Variants in KIF18A observed in about 807,000 individuals in gnomAD.
The protein encoded by KIF18A is kinesin family member 18A.
KIF18A carries 67 observed loss-of-function variants against 103.3 expected under a neutral mutation model. The ratio of observed to expected loss-of-function variants is 0.65; its 90% confidence interval spans 0.53 to 0.79. The LOEUF is 0.79. Among genes scored for constraint, KIF18A ranks in the 30% least tolerant of loss-of-function variants. The pLI, the probability that KIF18A is intolerant of heterozygous loss-of-function variation, is 0.00. For synonymous variants in KIF18A, 367 were observed against 355.5 expected, an observed-to-expected ratio of 1.03 and a Z score of -0.36; for missense variants, 1,032 against 1,062.5, an observed-to-expected ratio of 0.97 and a Z score of 0.40.
chr11:28,090,867 T>G (rs959018671), intron 4 of KIF18A, 140 bp from the exon 5 acceptor site: 2 of 599,088 alleles, frequency 3.3e-6, no homozygotes, highest in Non-Finnish European at 5.9e-6. Flanking sequence ...ATACTAACTT[T>G]GTCTCATCTG....
At chr11:28,042,305 A>T (rs549902064) in intron 13 of KIF18A, among the ~76,000 whole-genome samples, 2 of 152,018 alleles carry the variant, frequency 1.3e-5, no homozygotes, top group East Asian at 3.9e-4. Flanking sequence ...AGTTGGTAGA[A>T]TGATGTTAAA....
At chr11:28,053,862 T>A (rs1850743626) in intron 13 of KIF18A, among the ~76,000 whole-genome samples, 1 of 151,996 alleles carries the variant, frequency 6.6e-6, no homozygotes, top group African/African-American at 2.4e-5. Flanking sequence ...TATATACATG[T>A]TTGTAATTGA....
chr11:28,097,887 C>G lies in KIF18A; in HGVS notation c.61G>C (p.Glu21Gln). 6.2e-7 allele frequency: 1 copy of G among 1,610,154 alleles called. No individual in the cohort carries two copies. The highest frequency in any genetic ancestry group is 8.5e-7 in the Non-Finnish European group (1 of 1,178,748). ...CCAGCTGCTTTTTCTTTAGTGTTTT[C>G]CGGACGTACACGAACTACTACTTTC... ...HMKVVVRVRP[E>Q]NTKEKAAGFH... Residue 21 changes from glutamate to glutamine, a missense_variant, in exon 2 of 17, where the codon GAA (glutamate) becomes CAA (glutamine). Glu to Gln is a conservative substitution (Grantham distance 29). Transcript: ENST00000263181.
chr11:28,048,216 A>G (rs1850664789), intron 13 of KIF18A, among the ~76,000 whole-genome samples: 1 of 152,098 alleles, frequency 6.6e-6, no homozygotes, highest in African/African-American at 2.4e-5. Flanking sequence ...ATGCATATCT[A>G]ATGCCTTTAA....
intron 1 of KIF18A, among the ~76,000 whole-genome samples, chr11:28,104,216 A>G (rs1013429921): frequency 6.6e-6 from 1 of 152,168 alleles, no homozygotes; most frequent in Non-Finnish European, 1.5e-5. Flanking sequence ...TCAGATCATG[A>G]TATGTATTGC....
chr11:28,052,007 T>C (rs1003554934), intron 13 of KIF18A, among the ~76,000 whole-genome samples: 1 of 152,110 alleles, frequency 6.6e-6, no homozygotes, highest in East Asian at 1.9e-4. Context: ...AAATTTTAGA[T>C]TCAGTCTTAA....
Position 28,059,119 on chromosome 11 carries a change from G to A in KIF18A, c.1755C>T (p.Cys585=), listed in dbSNP as rs751197728. The change falls in exon 13 of 17, where the codon TGC becomes TGT. Residue 585 remains cysteine (C), a synonymous_variant. Transcript: ENST00000263181. ...ALLPTLRKQY[C]TLKEAGLSNA... is the part of the protein sequence containing the mutation. Reference sequence around the variant, plus strand: ...TTGACAGGCCGGCTTCTTTTAATGTGCAATATTGTTTTCTTAGGGTTGGAA... The same window carrying A: ...TTGACAGGCCGGCTTCTTTTAATGTACAATATTGTTTTCTTAGGGTTGGAA... 5 of 1,613,834 alleles carry A rather than the reference G, an allele frequency of 3.1e-6. No homozygotes were observed. The highest frequency in any genetic ancestry group is 4.2e-6 in the Non-Finnish European group (5 of 1,179,846).
At position 28,094,658 on chromosome 11, in the gene KIF18A, T is replaced by G. The variant is rs984221766; in HGVS notation, c.468A>C (p.Ala156=). ...CCCAACTTACCTCCAGATATGAAAC[T>G]GCAGTACTACATATTTTCTCTTCTT... The part of the protein sequence containing the change: ...EIKEEKICST[A]VSYLEVYNEQ... Residue 156 remains alanine, a synonymous_variant, in exon 3 of 17, where the codon GCA becomes GCC. Coordinates refer to ENST00000263181, the MANE Select transcript of KIF18A (RefSeq NM_031217.4). 1 of 1,610,800 alleles carries G rather than the reference T, an allele frequency of 6.2e-7. No homozygotes were observed. The highest frequency in any genetic ancestry group is 2.2e-5 in the East Asian group (1 of 44,840).
intron 15 of KIF18A, among the ~76,000 whole-genome samples, chr11:28,024,126 G>C (rs866256356): frequency 2.7e-5 from 4 of 149,472 alleles, no homozygotes; most frequent in African/African-American, 9.9e-5. Context: ...AGGGTGCTTT[G>C]CTGGCAGATA....
chr11:28,020,707 G>C lies in KIF18A; in HGVS notation c.*493C>G, dbSNP rs1850227251. 1.3e-5 allele frequency: 2 copies of C among 151,904 alleles called. 1 individual carries two copies. The highest frequency in any genetic ancestry group is 4.1e-4 in the South Asian group (2 of 4,824). 9.4% of individuals were successfully genotyped at this position (151,904 alleles called of 1,614,324 possible). ...TAAATAATATTTACAATGATTTTAT[G>C]GGCACATATATTTACACTTGTACAT... On this transcript the variant is annotated 3_prime_UTR_variant, in exon 17 of 17. Coordinates refer to ENST00000263181, the MANE Select transcript of KIF18A (RefSeq NM_031217.4).
At chr11:28,034,528 T>C (rs1850456403) in intron 15 of KIF18A, among the ~76,000 whole-genome samples, 1 of 151,692 alleles carries the variant, frequency 6.6e-6, no homozygotes, top group Non-Finnish European at 1.5e-5. Flanking sequence ...AATTTTTCTG[T>C]GAAAGCCTCA....
Position 28,059,165 on chromosome 11 carries a change from T to A in KIF18A, c.1713-4A>T. ...TGGAAGTAAAGCATTCAATACTCTA[T>A]ATACAGAAGATGAGAAGAAAGGAGA... On this transcript the variant is annotated splice_region_variant and splice_polypyrimidine_tract_variant and intron_variant, in intron 12 of 16. Transcript: ENST00000263181. The A allele has an allele frequency of 6.3e-7, 1 of 1,576,840 alleles. No homozygotes were observed. The highest frequency in any genetic ancestry group is 8.7e-7 in the Non-Finnish European group (1 of 1,147,806).
intron 15 of KIF18A, among the ~76,000 whole-genome samples, chr11:28,033,358 A>G (rs1002891434): frequency 2.0e-5 from 3 of 151,490 alleles, no homozygotes; most frequent in Non-Finnish European, 3.0e-5. Context: ...CCCCTACTAG[A>G]TACATGCCAA....
In KIF18A at chr11:28,066,872, C is replaced by A. The variant is rs578108430; in HGVS notation, c.1590+2387G>T. On this transcript the variant is annotated intron_variant, in intron 11 of 16. Coordinates refer to ENST00000263181, the MANE Select transcript of KIF18A (RefSeq NM_031217.4). ...TCTGTTGTTAACTATGTACACTTTT[C>A]TTTGTACAACTTGCTTGGATATTGA... Among the ~76,000 whole-genome samples the A allele has an allele frequency of 1.1e-4, 16 of 150,316 alleles. No individual in the cohort carries two copies. The South Asian group carries it at 3.4e-3, about 32-fold the overall frequency.
intron 2 of KIF18A, among the ~76,000 whole-genome samples, chr11:28,096,167 C>G (rs1851368318): frequency 2.0e-5 from 1 of 51,164 alleles, no homozygotes; most frequent in African/African-American, 8.0e-5. Flanking sequence ...CACAGCAAGA[C>G]TTCATCAAAA....
At position 28,046,536 on chromosome 11, in the gene KIF18A, G is replaced by C. The variant is rs1469984165; in HGVS notation, c.1949-9872C>G. Among the ~76,000 whole-genome samples the C allele has an allele frequency of 5.3e-5, 7 of 132,282 alleles. No individual in the cohort carries two copies. In the South Asian group the frequency reaches 1.1e-3, roughly 20 times the overall value. 86.8% of individuals were successfully genotyped at this position (132,282 alleles called of 152,430 possible). A position where few individuals can be genotyped will look rare whatever the true frequency, so the allele number is the denominator to read the frequency against. On this transcript the variant is annotated intron_variant, in intron 13 of 16. Coordinates refer to ENST00000263181, the MANE Select transcript of KIF18A (RefSeq NM_031217.4). ...ACAGGAAGGGGAACATCACACTCTG[G>C]GGACTGTTGTGGGGTAGGGGGAGGG...
intron 11 of KIF18A, among the ~76,000 whole-genome samples, chr11:28,066,273 T>C (rs1850922271): frequency 6.6e-6 from 1 of 152,044 alleles, no homozygotes; most frequent in Admixed American, 6.6e-5. Context: ...CTGCTACCAA[T>C]CCAAGAGAAT....
intron 9 of KIF18A, among the ~76,000 whole-genome samples, chr11:28,080,021 C>G (rs1851144838): frequency 6.6e-6 from 1 of 152,048 alleles, no homozygotes; most frequent in Non-Finnish European, 1.5e-5. Flanking sequence ...ATTACCCATT[C>G]AGGCTCAATA....
intron 10 of KIF18A, among the ~76,000 whole-genome samples, chr11:28,076,265 T>C (rs964167516): frequency 6.6e-6 from 1 of 152,184 alleles, no homozygotes; most frequent in Non-Finnish European, 1.5e-5. Context: ...GCCCCTGCCC[T>C]GGCACATCTA....
Sources: gnomAD v4.1 joint callset for allele counts (sites outside exome capture counted in the v4.1 genomes callset) on GRCh38, gnomAD v4.1.1 for gene constraint, MANE v1.5 for transcripts, NCBI Gene and HGNC (gene_info 2026-07-23, HGNC 2026-07-21) for gene names.